The following NPAS2 variants were observed in gnomAD, a reference collection of about 807,000 sequenced individuals.
NPAS2 encodes the protein neuronal PAS domain protein 2, also known as neuronal PAS domain-containing protein 2.
NPAS2 carries 23 observed loss-of-function variants against 107.5 expected under a neutral mutation model. The observed-to-expected ratio is 0.21, with a 90% confidence interval of 0.15 to 0.30. The LOEUF is 0.30. NPAS2 is among the 10% of genes least tolerant of loss of function. The pLI is 1.00. For missense variants in NPAS2, 756 were observed against 1,043.3 expected (o/e 0.72, Z 3.79); for synonymous variants, 403 against 417.5 (o/e 0.97, Z 0.42).
At chr2:100,826,749 G>A (rs1676408887) in intron 1 of NPAS2, among the ~76,000 whole-genome samples, 2 of 152,114 alleles carry the variant, frequency 1.3e-5, no homozygotes, top group Non-Finnish European at 2.9e-5. Flanking sequence ...TTGAAATATT[G>A]ATAGATGCTG....
intron 5 of NPAS2, among the ~76,000 whole-genome samples, chr2:100,946,406 A>T (rs1180863496): frequency 1.3e-5 from 2 of 152,162 alleles, no homozygotes; most frequent in Admixed American, 1.3e-4. Flanking sequence ...CAAAGCAGGG[A>T]CCTGAAGGTT....
chr2:100,949,715 A>G (rs987842518), intron 7 of NPAS2, among the ~76,000 whole-genome samples: 1 of 152,228 alleles, frequency 6.6e-6, no homozygotes, highest in Non-Finnish European at 1.5e-5. Flanking sequence ...TGAAACACAC[A>G]TTATTCATTT....
intron 1 of NPAS2, among the ~76,000 whole-genome samples, chr2:100,881,712 T>C (rs13012765): frequency 0.59 from 89,201 of 151,868 alleles, 28,236 homozygotes; most frequent in Non-Finnish European, 0.72. Flanking sequence ...CTGCTGTCGA[T>C]CTTTATTTAC....
chr2:100,911,831 C>T (rs1012336729), intron 2 of NPAS2, among the ~76,000 whole-genome samples: 3 of 152,198 alleles, frequency 2.0e-5, no homozygotes, highest in East Asian at 1.9e-4. Flanking sequence ...GGGGTTTCAC[C>T]GTGTTAGCCA....
chr2:100,970,944 C>A, intron 11 of NPAS2, 46 bp from the exon 12 acceptor site: 31 of 1,563,556 alleles, frequency 2.0e-5, no homozygotes, highest in Non-Finnish European at 2.7e-5. Context: ...GTCATCCCTT[C>A]CTGGAATGCC....
chr2:100,931,483 CTT>C lies in NPAS2; in HGVS notation c.182-1407_182-1406del, dbSNP rs10709889. Among the ~76,000 whole-genome samples, 536 of 81,318 alleles carry C rather than the reference CTT, an allele frequency of 6.6e-3. 3 individuals carry two copies. Among genetic ancestry groups the C allele is most frequent in the African/African-American group, 0.019 (375 of 19,502 alleles). 53.3% of individuals were successfully genotyped at this position (81,318 alleles called of 152,430 possible). A position where few individuals can be genotyped will look rare whatever the true frequency, so the allele number is the denominator to read the frequency against. ...ACAGGGTGATGCGCATAACTCAGCT[CTT>C]TTTTTTTTTTTTTTTTTTTGACATG... On this transcript the variant is annotated intron_variant, in intron 3 of 20. Transcript: ENST00000335681.
chr2:100,823,236 G>A (rs1676179908), intron 1 of NPAS2, among the ~76,000 whole-genome samples: 1 of 152,138 alleles, frequency 6.6e-6, no homozygotes, highest in Non-Finnish European at 1.5e-5. Context: ...AAATAAACAT[G>A]TATTAAATAT....
At chr2:100,929,131 C>T (rs1174930248) in intron 3 of NPAS2, among the ~76,000 whole-genome samples, 2 of 152,242 alleles carry the variant, frequency 1.3e-5, no homozygotes, top group Non-Finnish European at 2.9e-5. Flanking sequence ...TCTCGAACTC[C>T]TGGCCTCAAG....
At chr2:100,958,694 A>G (rs1320167832) in intron 7 of NPAS2, among the ~76,000 whole-genome samples, 1 of 152,116 alleles carries the variant, frequency 6.6e-6, no homozygotes, top group African/African-American at 2.4e-5. Context: ...TCAGTCTGGG[A>G]GTGGGGGGAC....
At chr2:100,826,226 G>A (rs568491552) in intron 1 of NPAS2, among the ~76,000 whole-genome samples, 2 of 152,266 alleles carry the variant, frequency 1.3e-5, no homozygotes, top group East Asian at 1.9e-4. Context: ...GGCGGATCAC[G>A]AGGTCAGGAG....
intron 2 of NPAS2, among the ~76,000 whole-genome samples, chr2:100,922,184 G>A (rs1683267184): frequency 6.6e-6 from 1 of 152,140 alleles, no homozygotes; most frequent in African/African-American, 2.4e-5. Context: ...TTAGGATGAA[G>A]GAACTGTTGT....
At chr2:100,839,147 T>C (rs377633244) in intron 1 of NPAS2, among the ~76,000 whole-genome samples, 1 of 152,244 alleles carries the variant, frequency 6.6e-6, no homozygotes, top group African/African-American at 2.4e-5. Context: ...GTTGTTGTTT[T>C]TGAGACAGTC....
chr2:100,891,632 A>G (rs912140419), intron 1 of NPAS2, among the ~76,000 whole-genome samples: 9 of 152,184 alleles, frequency 5.9e-5, no homozygotes, highest in Non-Finnish European at 1.3e-4. Flanking sequence ...GGACATTTCA[A>G]CCTAGATCTG....
Position 100,971,048 on chromosome 2 carries a change from G to A in NPAS2, c.1114G>A (p.Glu372Lys), listed in dbSNP as rs773819994. Residue 372 changes from glutamate (E) to lysine (K), a missense_variant, in exon 12 of 21, where the codon GAG (glutamate) becomes AAG (lysine). Glu to Lys is a moderately conservative substitution (Grantham distance 56). Transcript: ENST00000335681. ...GCTGGCTCTGGAAGACCCGCCATCCGAGGCCCTCCACTCCTCAGCACTAAA... is the reference window on the plus strand; with the variant it reads ...GCTGGCTCTGGAAGACCCGCCATCCAAGGCCCTCCACTCCTCAGCACTAAA... ...QELALEDPPS[E>K]ALHSSALKDK... 16 of 1,614,130 alleles carry A rather than the reference G, an allele frequency of 9.9e-6. No individual in the cohort carries two copies. Among genetic ancestry groups the A allele is most frequent in the Admixed American group, 5.0e-5 (3 of 60,024 alleles).
intron 1 of NPAS2, among the ~76,000 whole-genome samples, chr2:100,864,397 T>C (rs1679126954): frequency 6.6e-6 from 1 of 152,228 alleles, no homozygotes; most frequent in African/African-American, 2.4e-5. Flanking sequence ...GATATAATAA[T>C]ATTCGGATAT....
At chr2:100,883,961 G>A (rs1680543191) in intron 1 of NPAS2, among the ~76,000 whole-genome samples, 1 of 152,126 alleles carries the variant, frequency 6.6e-6, no homozygotes, top group Non-Finnish European at 1.5e-5. Context: ...GGGCCCTGAA[G>A]CATCTTGTGA....
In NPAS2 at chr2:100,971,057, C is replaced by T. The variant is rs1201624404; in HGVS notation, c.1123C>T (p.His375Tyr). Residue 375 changes from histidine to tyrosine, a missense_variant, in exon 12 of 21, where the codon CAC becomes TAC. By Grantham distance (83) the His-to-Tyr change is moderately conservative. Transcript: ENST00000335681. The part of the protein sequence containing the change: ...ALEDPPSEAL[H>Y]SSALKDKGSS... ...GGAAGACCCGCCATCCGAGGCCCTC[C>T]ACTCCTCAGCACTAAAGGTACGCCC... The T allele has an allele frequency of 6.2e-7, 1 of 1,614,046 alleles. No homozygotes were observed. Among genetic ancestry groups the T allele is most frequent in the Non-Finnish European group, 8.5e-7 (1 of 1,180,026 alleles).
intron 18 of NPAS2, 35 bp downstream of exon 18, chr2:100,990,481 G>C (rs766976534): frequency 6.2e-7 from 1 of 1,604,102 alleles, no homozygotes; most frequent in Non-Finnish European, 8.5e-7. Context: ...GATAACCCAG[G>C]CATCATTTTA....
intron 1 of NPAS2, among the ~76,000 whole-genome samples, chr2:100,880,779 T>C (rs1398260983): frequency 1.4e-5 from 2 of 140,752 alleles, no homozygotes; most frequent in African/African-American, 5.9e-5. Flanking sequence ...ATTTAAACAA[T>C]AATCTGAGGG....
Sources: allele counts gnomAD v4.1 joint callset (sites outside exome capture counted in the v4.1 genomes callset), GRCh38; gene constraint gnomAD v4.1.1; transcripts MANE v1.5; gene names NCBI Gene and HGNC (gene_info 2026-07-23, HGNC 2026-07-21).